Variants in KIAA1217 observed in about 807,000 individuals in gnomAD.
KIAA1217 encodes KIAA1217, also known as sickle tail protein homolog.
In KIAA1217, 88 loss-of-function variants were observed where a neutral mutation model predicts 163.9. The observed-to-expected ratio is 0.54, with a 90% CI of 0.45 to 0.64. The LOEUF (loss-of-function observed/expected upper bound fraction) is 0.64. KIAA1217 is among the 30% of genes least tolerant of loss of function. The probability of loss-of-function intolerance (pLI) is 0.00; values close to 1 mark genes in which losing one functional copy is unlikely to be tolerated. For synonymous variants in KIAA1217, 903 were observed against 923.1 expected (o/e 0.98, Z 0.39); for missense variants, 2,372 against 2,475.0 (o/e 0.96, Z 0.88).
At chr10:23,893,821 A>G (rs1841536951) in intron 1 of KIAA1217, among the ~76,000 whole-genome samples, 1 of 152,114 alleles carries the variant, frequency 6.6e-6, no homozygotes, top group Non-Finnish European at 1.5e-5. Flanking sequence ...CCTGGGATGC[A>G]AGGCTGGTTC....
At chr10:23,979,581 A>C (rs1000434238) in intron 1 of KIAA1217, among the ~76,000 whole-genome samples, 1 of 152,198 alleles carries the variant, frequency 6.6e-6, no homozygotes, top group African/African-American at 2.4e-5. Flanking sequence ...GATACGGAAA[A>C]TCATACAAAA....
chr10:24,060,408 A>C, intron 2 of KIAA1217, among the ~76,000 whole-genome samples: 1 of 152,098 alleles, frequency 6.6e-6, no homozygotes, highest in Non-Finnish European at 1.5e-5. Context: ...CATGTAGTTT[A>C]ATTTCTACAT....
intron 2 of KIAA1217, among the ~76,000 whole-genome samples, chr10:24,133,561 G>C (rs1359511993): frequency 6.8e-6 from 1 of 146,738 alleles, no homozygotes; most frequent in Non-Finnish European, 1.5e-5. Context: ...GACAGAGCGA[G>C]ACTGTGTCTC....
At chr10:23,951,412 A>G (rs139771767) in intron 1 of KIAA1217, among the ~76,000 whole-genome samples, 476 of 152,256 alleles carry the variant, frequency 3.1e-3, no homozygotes, top group Middle Eastern at 0.014. Flanking sequence ...CCAGCACTTT[A>G]GGAGCCTGAG....
intron 2 of KIAA1217, chr10:24,042,358 A>T (rs1704447661): frequency 6.6e-6 from 1 of 151,612 alleles, no homozygotes; most frequent in African/African-American, 2.4e-5. Context: ...GCTAGGCGGG[A>T]TGATTTGAAC....
intron 2 of KIAA1217, among the ~76,000 whole-genome samples, chr10:24,186,132 T>A (rs962643427): frequency 6.6e-6 from 1 of 152,218 alleles, no homozygotes; most frequent in African/African-American, 2.4e-5. Flanking sequence ...TCTATGGTTG[T>A]CTTATTTTTA....
At chr10:23,961,313 A>T (rs938864132) in intron 1 of KIAA1217, among the ~76,000 whole-genome samples, 3 of 152,334 alleles carry the variant, frequency 2.0e-5, no homozygotes, top group Admixed American at 1.3e-4. Context: ...GGACCTTATT[A>T]TCCAAAAATA....
At chr10:24,020,633 A>C (rs1847692698) in intron 2 of KIAA1217, among the ~76,000 whole-genome samples, 1 of 152,072 alleles carries the variant, frequency 6.6e-6, no homozygotes, top group South Asian at 2.1e-4. Context: ...ACACACACTG[A>C]AAGTAGAAGC....
intron 2 of KIAA1217, among the ~76,000 whole-genome samples, chr10:24,097,723 A>G (rs1176063640): frequency 6.6e-6 from 1 of 152,242 alleles, no homozygotes; most frequent in African/African-American, 2.4e-5. Context: ...GTGGCCTAAA[A>G]AACAGAAGTC....
intron 6 of KIAA1217, among the ~76,000 whole-genome samples, chr10:24,489,566 G>C (rs1213475545): frequency 6.6e-6 from 1 of 151,784 alleles, no homozygotes; most frequent in Non-Finnish European, 1.5e-5. Context: ...GGTGAAACTT[G>C]AATCAAAAAG....
intron 3 of KIAA1217, among the ~76,000 whole-genome samples, chr10:24,393,437 A>T (rs944692017): frequency 1.3e-5 from 2 of 152,168 alleles, no homozygotes; most frequent in African/African-American, 4.8e-5. Flanking sequence ...TCCATCCAGG[A>T]AAGCTGCTTT....
intron 1 of KIAA1217, among the ~76,000 whole-genome samples, chr10:23,798,602 A>T (rs1184786626): frequency 2.6e-5 from 4 of 152,164 alleles, no homozygotes; most frequent in African/African-American, 7.2e-5. Flanking sequence ...AGGAAACTTA[A>T]TGGTAGAGTG....
At chr10:24,397,323 C>T (rs983925887) in intron 3 of KIAA1217, among the ~76,000 whole-genome samples, 6 of 152,028 alleles carry the variant, frequency 3.9e-5, no homozygotes, top group African/African-American at 7.2e-5. Context: ...CTCCTGACCT[C>T]GCGATCCACC....
intron 1 of KIAA1217, among the ~76,000 whole-genome samples, chr10:23,845,928 C>G (rs1257765088): frequency 6.6e-6 from 1 of 152,082 alleles, no homozygotes; most frequent in Admixed American, 6.6e-5. Flanking sequence ...AGGAAGGGGT[C>G]CAGTTTCAGT....
At chr10:24,243,035 G>A (rs918341100) in intron 2 of KIAA1217, among the ~76,000 whole-genome samples, 22 of 152,180 alleles carry the variant, frequency 1.4e-4, no homozygotes, top group Admixed American at 1.2e-3. Flanking sequence ...TAGGTTGTTT[G>A]CTCTGTTGAT....
At chr10:23,831,911 A>T (rs1838221035) in intron 1 of KIAA1217, among the ~76,000 whole-genome samples, 1 of 152,324 alleles carries the variant, frequency 6.6e-6, no homozygotes, top group South Asian at 2.1e-4. Context: ...ATTGAGAGAT[A>T]GGAAAAAGCA....
chr10:24,024,437 T>C (rs1237139525), intron 2 of KIAA1217, among the ~76,000 whole-genome samples: 1 of 151,750 alleles, frequency 6.6e-6, no homozygotes, highest in Non-Finnish European at 1.5e-5. Context: ...TTCTGAATAG[T>C]ATTATATGGG....
At chr10:23,735,501 T>G (rs1243294667) in intron 1 of KIAA1217, among the ~76,000 whole-genome samples, 1 of 152,054 alleles carries the variant, frequency 6.6e-6, no homozygotes, top group Non-Finnish European at 1.5e-5. Context: ...TAGTATAGTA[T>G]TTTAATTTTA....
chr10:24,374,799 T>G (rs1281095137), intron 2 of KIAA1217, among the ~76,000 whole-genome samples: 3 of 152,132 alleles, frequency 2.0e-5, no homozygotes, highest in Admixed American at 1.3e-4. Context: ...TTCTGTTATT[T>G]TTTAGAGATG....
Sources: gnomAD v4.1 joint callset for allele counts (sites outside exome capture counted in the v4.1 genomes callset) on GRCh38, gnomAD v4.1.1 for gene constraint, MANE v1.5 for transcripts, NCBI Gene and HGNC (gene_info 2026-07-23, HGNC 2026-07-21) for gene names.